Variants in COG5 observed in about 807,000 individuals in gnomAD.
COG5 encodes the protein component of oligomeric golgi complex 5, also known as conserved oligomeric Golgi complex subunit 5.
Under a neutral mutation model 110.4 loss-of-function variants are expected in COG5, and 86 were observed. The observed-to-expected ratio is 0.78, with a 90% CI of 0.65 to 0.93. The LOEUF (loss-of-function observed/expected upper bound fraction) is 0.93, where lower values mean the gene tolerates loss of function less well. Ranked by LOEUF, COG5 falls within the 40% of genes least tolerant of loss-of-function variation. The pLI, the probability that COG5 is intolerant of heterozygous loss-of-function variation, is 0.00. For synonymous variants in COG5, 360 were observed against 334.6 expected, an observed-to-expected ratio of 1.08 and a Z score of -0.83; for missense variants, 1,077 against 987.0, an observed-to-expected ratio of 1.09 and a Z score of -1.22.
At chr7:107,496,024 C>A (rs2129132148) in intron 6 of COG5, among the ~76,000 whole-genome samples, 1 of 151,888 alleles carries the variant, frequency 6.6e-6, no homozygotes, top group Middle Eastern at 3.4e-3. Context: ...TCAAACGATC[C>A]TCCCACCTTA....
At chr7:107,480,544 C>T (rs940249927) in intron 6 of COG5, among the ~76,000 whole-genome samples, 1 of 151,866 alleles carries the variant, frequency 6.6e-6, no homozygotes, top group Non-Finnish European at 1.5e-5. Flanking sequence ...TGGAAAAAGA[C>T]CTAAAATATT....
chr7:107,452,094 A>G lies in COG5; in HGVS notation c.539-39462T>C, dbSNP rs377286495. Among the ~76,000 whole-genome samples the G allele has an allele frequency of 9.2e-5, 14 of 152,230 alleles. 1 individual carries two copies. In the East Asian group the frequency reaches 1.2e-3, roughly 13 times the overall value. On this transcript the variant is annotated intron_variant, in intron 6 of 21. Transcript: ENST00000297135. ...TCTTTAACCACATCTCACTGCTCCTATATCTCCTTAAAACAGATCCCATTA... is the reference window on the plus strand; with the variant it reads ...TCTTTAACCACATCTCACTGCTCCTGTATCTCCTTAAAACAGATCCCATTA...
At chr7:107,280,286 A>G (rs1805059992) in intron 14 of COG5, among the ~76,000 whole-genome samples, 1 of 152,060 alleles carries the variant, frequency 6.6e-6, no homozygotes, top group Non-Finnish European at 1.5e-5. Flanking sequence ...TACAAGATCA[A>G]TTGAATGAAA....
intron 12 of COG5, among the ~76,000 whole-genome samples, chr7:107,287,707 C>T (rs1186082711): frequency 1.3e-5 from 2 of 152,132 alleles, no homozygotes; most frequent in African/African-American, 4.8e-5. Flanking sequence ...TTTTGCTATT[C>T]TGGATTTGCA....
At chr7:107,520,945 A>G (rs745405481) in intron 6 of COG5, among the ~76,000 whole-genome samples, 17 of 152,134 alleles carry the variant, frequency 1.1e-4, no homozygotes, top group South Asian at 2.1e-4. Context: ...ACCAAAAGAG[A>G]TATGTAACTA....
At chr7:107,236,743 A>AT in intron 17 of COG5, 56 bp from the exon 18 acceptor site, 1 of 1,113,290 alleles carries the variant, frequency 9.0e-7, no homozygotes, top group Non-Finnish European at 1.4e-6. Flanking sequence ...ACACTCTTTG[A>AT]TTTTGTACCC....
At chr7:107,499,215 G>A (rs1369936370) in intron 6 of COG5, among the ~76,000 whole-genome samples, 1 of 152,078 alleles carries the variant, frequency 6.6e-6, no homozygotes, top group Non-Finnish European at 1.5e-5. Flanking sequence ...GTAAGTTCTA[G>A]AGATCTGCTG....
intron 6 of COG5, among the ~76,000 whole-genome samples, chr7:107,499,201 A>T (rs1314750850): frequency 6.6e-6 from 1 of 152,182 alleles, no homozygotes; most frequent in South Asian, 2.1e-4. Flanking sequence ...GTAAAGCAAG[A>T]TAAGTAAGTT....
intron 18 of COG5, among the ~76,000 whole-genome samples, chr7:107,231,253 G>A (rs1307640261): frequency 6.6e-6 from 1 of 152,048 alleles, no homozygotes; most frequent in Admixed American, 6.6e-5. Flanking sequence ...ATAGAATAAT[G>A]CAAATTAAAA....
chr7:107,295,081 ATATATATATATATATATATATTTT>A (rs1337183261), intron 12 of COG5, among the ~76,000 whole-genome samples: 15 of 61,856 alleles, frequency 2.4e-4, no homozygotes, highest in South Asian at 1.3e-3. Flanking sequence ...ATATATATAT[ATATATATATATATATATATATTTT>A]TTTTTTTTTT....
intron 6 of COG5, among the ~76,000 whole-genome samples, chr7:107,484,464 T>C (rs1797537924): frequency 6.6e-6 from 1 of 152,144 alleles, no homozygotes; most frequent in Non-Finnish European, 1.5e-5. Context: ...TCAGCATTGG[T>C]AAGATTAAAA....
intron 10 of COG5, among the ~76,000 whole-genome samples, chr7:107,339,570 A>G (rs1322664969): frequency 6.6e-6 from 1 of 152,088 alleles, no homozygotes; most frequent in Non-Finnish European, 1.5e-5. Context: ...TACAGTATAT[A>G]TGTTCCCATC....
At chr7:107,259,153 A>T (rs1350399086) in intron 14 of COG5, among the ~76,000 whole-genome samples, 2 of 152,098 alleles carry the variant, frequency 1.3e-5, no homozygotes, top group African/African-American at 4.8e-5. Context: ...GAAAAAAAAA[A>T]TATCAACCAT....
At chr7:107,252,469 G>A (rs907587680) in intron 16 of COG5, among the ~76,000 whole-genome samples, 1 of 151,848 alleles carries the variant, frequency 6.6e-6, no homozygotes, top group African/African-American at 2.4e-5. Context: ...CTAAACACTT[G>A]AGGAAGAAAA....
At chr7:107,261,498 C>G in intron 14 of COG5, among the ~76,000 whole-genome samples, 1 of 152,104 alleles carries the variant, frequency 6.6e-6, no homozygotes, top group Non-Finnish European at 1.5e-5. Flanking sequence ...ATATTTTTAT[C>G]TGGAATCAGC....
chr7:107,336,839 C>T (rs1810741318), intron 10 of COG5, among the ~76,000 whole-genome samples: 1 of 152,148 alleles, frequency 6.6e-6, no homozygotes, highest in Non-Finnish European at 1.5e-5. Flanking sequence ...ACCTGTGGGC[C>T]TGGGGAATGA....
intron 6 of COG5, among the ~76,000 whole-genome samples, chr7:107,493,394 T>C (rs559104225): frequency 1.6e-4 from 24 of 152,292 alleles, no homozygotes; most frequent in African/African-American, 4.6e-4. Flanking sequence ...TACTGAGCAA[T>C]TGTATCATTA....
At chr7:107,523,688 G>A (rs1800504976) in intron 6 of COG5, among the ~76,000 whole-genome samples, 1 of 152,036 alleles carries the variant, frequency 6.6e-6, no homozygotes, top group Non-Finnish European at 1.5e-5. Context: ...GGTGGTGGGC[G>A]CCTGTAATTC....
intron 21 of COG5, 147 bp from the exon 22 acceptor site, chr7:107,203,777 A>G (rs1387325929): frequency 9.1e-6 from 6 of 656,754 alleles, no homozygotes; most frequent in Non-Finnish European, 1.4e-5. Flanking sequence ...AACAGCCTTC[A>G]CTCAGTTACT....
Sources: gnomAD v4.1 joint callset for allele counts (sites outside exome capture counted in the v4.1 genomes callset) on GRCh38, gnomAD v4.1.1 for gene constraint, MANE v1.5 for transcripts, NCBI Gene and HGNC (gene_info 2026-07-23, HGNC 2026-07-21) for gene names.